MAST4: variants seen among roughly 807,000 people sequenced by gnomAD.
MAST4 encodes microtubule associated serine/threonine kinase family member 4, also known as microtubule-associated serine/threonine-protein kinase 4.
Under a neutral mutation model 162.7 loss-of-function variants are expected in MAST4, and 89 were observed. The observed-to-expected ratio is 0.55, with a 90% CI of 0.46 to 0.65. MAST4 has a LOEUF of 0.65. Ranked by LOEUF, MAST4 falls within the 30% of genes least tolerant of loss-of-function variation. The pLI is 0.00. For missense variants in MAST4, 3,153 were observed against 3,374.0 expected (o/e 0.93, Z 1.62); for synonymous variants, 1,479 against 1,361.1 (o/e 1.09, Z -1.91).
chr5:66,751,268 C>T (rs1438230713), intron 1 of MAST4, among the ~76,000 whole-genome samples: 3 of 152,178 alleles, frequency 2.0e-5, no homozygotes. Context: ...TGCAGTTCCT[C>T]ACCAGCAACG....
chr5:67,020,380 A>T lies in MAST4; in HGVS notation c.675-34024A>T, dbSNP rs1350450348. 3.9e-5 allele frequency among the ~76,000 whole-genome samples: 6 copies of T among 152,216 alleles called. No individual in the cohort carries two copies. The South Asian group carries it at 1.0e-3, about 26-fold the overall frequency. On this transcript the variant is annotated intron_variant, in intron 4 of 28. Transcript: ENST00000403625. The stretch of plus-strand genomic sequence containing the variant: ...CATGACCACATTATATCCTTCCAAC[A>T]ATCTGCCACATTATCATACAGAATT...
intron 12 of MAST4, among the ~76,000 whole-genome samples, chr5:67,116,899 T>G (rs886128023): frequency 1.3e-5 from 2 of 152,182 alleles, no homozygotes; most frequent in African/African-American, 4.8e-5. Context: ...TAACATACCT[T>G]AGACTTGTCC....
intron 1 of MAST4, among the ~76,000 whole-genome samples, chr5:66,625,176 G>A (rs913920357): frequency 7.2e-5 from 11 of 152,106 alleles, no homozygotes; most frequent in East Asian, 1.9e-4. Flanking sequence ...TCATGTGTGC[G>A]TGTGTGTGTC....
intron 3 of MAST4, among the ~76,000 whole-genome samples, chr5:66,898,141 A>G (rs138643320): frequency 0.015 from 2,242 of 152,252 alleles, 25 homozygotes; most frequent in Admixed American, 0.022. Context: ...ACTAGTATCA[A>G]TGCCTTTCTA....
At chr5:67,063,199 T>C (rs1163683136) in intron 5 of MAST4, among the ~76,000 whole-genome samples, 1 of 152,118 alleles carries the variant, frequency 6.6e-6, no homozygotes, top group African/African-American at 2.4e-5. Flanking sequence ...TAATTGCCAA[T>C]TGTTACTTAA....
intron 1 of MAST4, among the ~76,000 whole-genome samples, chr5:66,716,324 ATC>A (rs148707709): frequency 6.6e-6 from 1 of 151,902 alleles, no homozygotes; most frequent in Non-Finnish European, 1.5e-5. Context: ...TTTAGATTTG[ATC>A]TCTCTCTCTA....
rs371937234 is a variant in MAST4 at position 67,145,388 on chromosome 5, C to T, written c.3094+9C>T. 12 of 1,609,730 alleles carry T rather than the reference C, an allele frequency of 7.5e-6. No individual in the cohort carries two copies. The highest frequency in any genetic ancestry group is 2.7e-5 in the African/African-American group (2 of 74,806). On this transcript the variant is annotated intron_variant, in intron 23 of 28. Coordinates refer to ENST00000403625, the MANE Select transcript of MAST4 (RefSeq NM_001164664.2). Reference sequence around the variant, plus strand: ...CAGCTCCACCCTGTCAGGTAAGCCCCGGGCCATAGTGCCTGCTGTCCTCCT... The same window carrying T: ...CAGCTCCACCCTGTCAGGTAAGCCCTGGGCCATAGTGCCTGCTGTCCTCCT...
At chr5:66,709,780 C>T (rs1750379459) in intron 1 of MAST4, among the ~76,000 whole-genome samples, 1 of 152,106 alleles carries the variant, frequency 6.6e-6, no homozygotes, top group Non-Finnish European at 1.5e-5. Flanking sequence ...CTGTTTGAAT[C>T]CCCACTTTAT....
chr5:67,132,172 G>A (rs1769057848), intron 16 of MAST4, among the ~76,000 whole-genome samples: 1 of 151,902 alleles, frequency 6.6e-6, no homozygotes, highest in Admixed American at 6.6e-5. Flanking sequence ...CAATGCATAT[G>A]TATATATATA....
intron 1 of MAST4, among the ~76,000 whole-genome samples, chr5:66,706,599 G>T (rs4700158): frequency 0.42 from 60,451 of 142,306 alleles, 12,175 homozygotes; most frequent in African/African-American, 0.46. Context: ...AATGATGAAA[G>T]AAATAGTAAT....
intron 25 of MAST4, 69 bp from the exon 26 acceptor site, chr5:67,153,389 C>CA (rs1772082732): frequency 1.3e-6 from 2 of 1,486,234 alleles, no homozygotes; most frequent in Non-Finnish European, 1.8e-6. Flanking sequence ...ATTATTCTCC[C>CA]AGAAGACACA....
Position 67,168,612 on chromosome 5 carries a change from T to C in MAST4, c.*1561T>C, listed in dbSNP as rs932863895. ...GGCACTAAGAGAAAATACAGATAAG[T>C]ATTTATAAGTTGCTTGGGAACCATA... On this transcript the variant is annotated 3_prime_UTR_variant, in exon 29 of 29. Transcript: ENST00000403625. 1 of 152,244 alleles carries C rather than the reference T, an allele frequency of 6.6e-6. No individual in the cohort carries two copies. The highest frequency in any genetic ancestry group is 1.5e-5 in the Non-Finnish European group (1 of 68,034). 9.4% of individuals were successfully genotyped at this position (152,244 alleles called of 1,614,324 possible).
intron 11 of MAST4, among the ~76,000 whole-genome samples, chr5:67,113,313 C>CA (rs34018550): frequency 0.56 from 37,590 of 67,676 alleles, 11,570 homozygotes; most frequent in Non-Finnish European, 0.67. Flanking sequence ...GACTCCGTCT[C>CA]AAAAAAAAAA....
chr5:67,003,949 G>A (rs966948309), intron 4 of MAST4: 1 of 152,248 alleles, frequency 6.6e-6, no homozygotes, highest in Non-Finnish European at 1.5e-5. Context: ...TTCGGTGAGT[G>A]TGGCTTCCCG....
At chr5:66,708,247 C>G (rs1329538779) in intron 1 of MAST4, among the ~76,000 whole-genome samples, 8 of 152,080 alleles carry the variant, frequency 5.3e-5, no homozygotes, top group African/African-American at 1.9e-4. Context: ...TTAGCTTAAC[C>G]ATCGAAGTCT....
intron 4 of MAST4, among the ~76,000 whole-genome samples, chr5:66,930,049 A>G (rs917321395): frequency 6.6e-6 from 1 of 152,206 alleles, no homozygotes; most frequent in Admixed American, 6.5e-5. Context: ...TATGTTCAGA[A>G]ATAAAGGCCA....
chr5:66,864,610 G>C (rs1316708655), intron 3 of MAST4, among the ~76,000 whole-genome samples: 2 of 151,974 alleles, frequency 1.3e-5, no homozygotes, highest in Admixed American at 1.3e-4. Context: ...GCTGAAGTCT[G>C]GATGACTCAG....
chr5:66,936,524 C>A (rs534326652), intron 4 of MAST4, among the ~76,000 whole-genome samples: 7 of 152,198 alleles, frequency 4.6e-5, no homozygotes, highest in African/African-American at 1.4e-4. Flanking sequence ...AAATTACAGT[C>A]AAAGGGGGTT....
intron 1 of MAST4, among the ~76,000 whole-genome samples, chr5:66,649,783 C>T (rs1289830440): frequency 6.6e-6 from 1 of 152,124 alleles, no homozygotes; most frequent in Admixed American, 6.5e-5. Context: ...CTCCCTGTTT[C>T]ACTCTGAATC....
Sources: gnomAD v4.1 joint callset for allele counts (sites outside exome capture counted in the v4.1 genomes callset) on GRCh38, gnomAD v4.1.1 for gene constraint, MANE v1.5 for transcripts, NCBI Gene and HGNC (gene_info 2026-07-23, HGNC 2026-07-21) for gene names.